FER: variants seen among roughly 807,000 people sequenced by gnomAD.
FER encodes FER tyrosine kinase.
A neutral mutation model predicts 111.0 loss-of-function variants in FER; 63 were observed. The ratio of observed to expected loss-of-function variants is 0.57; its 90% CI spans 0.46 to 0.70. The LOEUF (loss-of-function observed/expected upper bound fraction) is 0.70. FER is among the 30% of genes least tolerant of loss of function. The pLI is 0.00. For missense variants in FER, 914 were observed against 954.0 expected (o/e 0.96, Z 0.55); for synonymous variants, 327 against 313.9 (o/e 1.04, Z -0.44).
chr5:108,845,063 T>TACAC (rs1561503527), intron 5 of FER, among the ~76,000 whole-genome samples: 3 of 60,904 alleles, frequency 4.9e-5, no homozygotes, highest in Non-Finnish European at 9.5e-5. Context: ...TATATATATA[T>TACAC]ATATACACAC....
At chr5:109,086,067 A>G (rs1777529728) in intron 16 of FER, among the ~76,000 whole-genome samples, 2 of 151,482 alleles carry the variant, frequency 1.3e-5, no homozygotes, top group Non-Finnish European at 3.0e-5. Context: ...AGTTAGAAAT[A>G]TTTTCTTCTC....
chr5:108,796,271 TG>T (rs1756006980), intron 2 of FER, among the ~76,000 whole-genome samples: 1 of 152,090 alleles, frequency 6.6e-6, no homozygotes, highest in South Asian at 2.1e-4. Flanking sequence ...GGGGATGGGG[TG>T]ACACAGTCAC....
chr5:108,758,532 A>G (rs974585572), intron 1 of FER, among the ~76,000 whole-genome samples: 2 of 152,118 alleles, frequency 1.3e-5, no homozygotes, highest in African/African-American at 4.8e-5. Context: ...CTCCATATGG[A>G]GCTCTGTGAC....
chr5:108,832,648 T>A, intron 3 of FER, 122 bp from the exon 4 acceptor site: 1 of 650,452 alleles, frequency 1.5e-6, no homozygotes, highest in Admixed American at 4.1e-5. Context: ...GCCAGAAACC[T>A]ATTTTTTATA....
chr5:109,177,703 G>C (rs1757858233), intron 17 of FER: 1 of 152,172 alleles, frequency 6.6e-6, no homozygotes, highest in Non-Finnish European at 1.5e-5. Context: ...AGACACCTCT[G>C]TTACACACTC....
chr5:108,937,268 G>A (rs1037121424), intron 10 of FER, among the ~76,000 whole-genome samples: 1 of 151,904 alleles, frequency 6.6e-6, no homozygotes, highest in African/African-American at 2.4e-5. Flanking sequence ...TATCTGGCTT[G>A]TATAACAGAG....
intron 16 of FER, among the ~76,000 whole-genome samples, chr5:109,094,333 G>A (rs1455363175): frequency 6.6e-6 from 1 of 152,070 alleles, no homozygotes; most frequent in African/African-American, 2.4e-5. Flanking sequence ...GAGTAATACA[G>A]ATTGAGCATC....
chr5:108,845,020 A>ATGTG (rs1457587426), intron 5 of FER, among the ~76,000 whole-genome samples: 1 of 52,120 alleles, frequency 1.9e-5, no homozygotes, highest in Non-Finnish European at 3.7e-5. Context: ...ATATATATAT[A>ATGTG]TATATATATA....
At position 108,939,132 on chromosome 5, in the gene FER, G is replaced by T. The variant is rs560470247; in HGVS notation, c.1237-6998G>T. 2.0e-5 allele frequency among the ~76,000 whole-genome samples: 3 copies of T among 151,986 alleles called. No homozygotes were observed. In the East Asian group the frequency reaches 5.8e-4, roughly 29 times the overall value. On this transcript the variant is annotated intron_variant, in intron 10 of 19. Coordinates refer to ENST00000281092, the MANE Select transcript of FER (RefSeq NM_005246.4). The stretch of plus-strand genomic sequence containing the variant: ...ATACTTTTGAGCAGTTGTTTTATTT[G>T]TTATGTGCTGAAACTGTTAAATTAA...
intron 17 of FER, among the ~76,000 whole-genome samples, chr5:109,137,801 A>T (rs1753059973): frequency 6.6e-6 from 1 of 152,202 alleles, no homozygotes; most frequent in South Asian, 2.1e-4. Flanking sequence ...AAAGGACATC[A>T]AAACCAATTT....
At chr5:109,134,339 T>C (rs1752671820) in intron 17 of FER, among the ~76,000 whole-genome samples, 1 of 152,132 alleles carries the variant, frequency 6.6e-6, no homozygotes, top group Non-Finnish European at 1.5e-5. Flanking sequence ...GTTTCAAATT[T>C]TAAAGATAAA....
intron 2 of FER, among the ~76,000 whole-genome samples, chr5:108,795,012 A>G (rs1334232364): frequency 2.6e-5 from 4 of 152,100 alleles, no homozygotes; most frequent in Admixed American, 6.5e-5. Flanking sequence ...TTTAATTCTA[A>G]TTACTCTTAG....
At chr5:108,804,968 C>CTT (rs112888695) in intron 3 of FER, among the ~76,000 whole-genome samples, 34 of 140,694 alleles carry the variant, frequency 2.4e-4, no homozygotes, top group African/African-American at 5.0e-4. Context: ...ATTTAGTCTG[C>CTT]TTTTTTTTTT....
chr5:109,077,421 C>T (rs922160792), intron 16 of FER, among the ~76,000 whole-genome samples: 3 of 152,048 alleles, frequency 2.0e-5, no homozygotes, highest in Non-Finnish European at 4.4e-5. Flanking sequence ...TAATAAATAT[C>T]AATAATTTCT....
At chr5:108,858,016 G>T (rs1295628875) in intron 5 of FER, among the ~76,000 whole-genome samples, 1 of 152,148 alleles carries the variant, frequency 6.6e-6, no homozygotes. Context: ...GGCCATTGGT[G>T]TGCTCATTGC....
At chr5:109,183,778 G>A (rs1332675494) in intron 18 of FER, among the ~76,000 whole-genome samples, 1 of 152,018 alleles carries the variant, frequency 6.6e-6, no homozygotes, top group South Asian at 2.1e-4. Flanking sequence ...AAAAGTGGGG[G>A]GTGGGGCATA....
At chr5:109,124,132 T>A (rs1033860390) in intron 17 of FER, among the ~76,000 whole-genome samples, 1 of 151,148 alleles carries the variant, frequency 6.6e-6, no homozygotes, top group African/African-American at 2.4e-5. Context: ...AAGGCTGAGG[T>A]GGGAAAATTG....
At chr5:109,070,810 T>G (rs926513291) in intron 16 of FER, among the ~76,000 whole-genome samples, 14 of 152,016 alleles carry the variant, frequency 9.2e-5, no homozygotes, top group Admixed American at 3.9e-4. Context: ...CATTTCAGGA[T>G]TATTTGCAAT....
At chr5:108,751,632 G>A (rs1311159871) in intron 1 of FER, among the ~76,000 whole-genome samples, 1 of 152,126 alleles carries the variant, frequency 6.6e-6, no homozygotes, top group East Asian at 1.9e-4. Flanking sequence ...TCTTATGTCT[G>A]TTCATTTGGA....
Sources: gnomAD v4.1 joint callset for allele counts (sites outside exome capture counted in the v4.1 genomes callset) on GRCh38, gnomAD v4.1.1 for gene constraint, MANE v1.5 for transcripts, NCBI Gene and HGNC (gene_info 2026-07-23, HGNC 2026-07-21) for gene names.